The following PRELID2 variants were observed in gnomAD, a reference collection of about 807,000 sequenced individuals.
PRELID2 encodes the protein PRELI domain containing 2.
A neutral mutation model predicts 28.4 loss-of-function variants in PRELID2; 25 were observed. That is an observed-to-expected ratio of 0.88 (90% confidence interval 0.64 to 1.23). PRELID2 has a LOEUF of 1.23. Ranked by LOEUF, PRELID2 falls within the 50% of genes most tolerant of loss-of-function variation. The pLI is 0.00. For missense variants in PRELID2, 201 were observed against 214.4 expected (o/e 0.94, Z 0.39); for synonymous variants, 76 against 71.6 (o/e 1.06, Z -0.31).
chr5:145,591,069 G>C lies in PRELID2; in HGVS notation n.71-117754C>G, dbSNP rs180671640. Reference sequence around the variant, plus strand: ...CCAGCACTTCAGGAGGCTGAGGTAGGAGGATTGCTTGAGCCCAGGAGTTCA... The same window carrying C: ...CCAGCACTTCAGGAGGCTGAGGTAGCAGGATTGCTTGAGCCCAGGAGTTCA... On this transcript the variant is annotated intron_variant and non_coding_transcript_variant, in intron 1 of 2. Coordinates refer to the PRELID2 transcript ENST00000510259. 4.0e-3 allele frequency among the ~76,000 whole-genome samples: 613 copies of C among 152,260 alleles called. 4 individuals carry two copies. Among genetic ancestry groups the C allele is most frequent in the Admixed American group, 8.2e-3 (126 of 15,284 alleles).
Position 145,659,929 on chromosome 5 carries a change from A to G in PRELID2, n.70+105002T>C, listed in dbSNP as rs537588403. On this transcript the variant is annotated intron_variant and non_coding_transcript_variant, in intron 1 of 2. Transcript: ENST00000510259. ...GAAAAGGGTAGCAGGAGAGTACTTAATGCCTAGAAAAAGACCTACAATGCA... is the reference window on the plus strand; with the variant it reads ...GAAAAGGGTAGCAGGAGAGTACTTAGTGCCTAGAAAAAGACCTACAATGCA... 1.6e-4 allele frequency among the ~76,000 whole-genome samples: 25 copies of G among 152,304 alleles called. 1 individual carries two copies. The South Asian group carries it at 5.2e-3, about 32-fold the overall frequency.
chr5:145,790,721 G>GTGTGTGTGTGTATATATATATA (rs772901344), intron 5 of PRELID2, among the ~76,000 whole-genome samples: 20 of 110,906 alleles, frequency 1.8e-4, no homozygotes, highest in East Asian at 1.7e-3. Context: ...GTGTGTGTGT[G>GTGTGTGTGTGTATATATATATA]TATATATATA....
intron 4 of PRELID2, among the ~76,000 whole-genome samples, chr5:145,798,722 A>G (rs1752928746): frequency 6.6e-6 from 1 of 152,202 alleles, no homozygotes; most frequent in Non-Finnish European, 1.5e-5. Context: ...TGTCCTTTGC[A>G]GGGACATGGA....
At chr5:145,786,033 T>C (rs1751972030) in intron 5 of PRELID2, among the ~76,000 whole-genome samples, 1 of 152,240 alleles carries the variant, frequency 6.6e-6, no homozygotes, top group Non-Finnish European at 1.5e-5. Context: ...GTCAACTATT[T>C]TGTGCCTACT....
At chr5:145,297,842 C>T in the PRELID2 span, among the ~76,000 whole-genome samples, 1 of 151,722 alleles carries the variant, frequency 6.6e-6, no homozygotes, top group Non-Finnish European at 1.5e-5. Context: ...AACAGAGAGC[C>T]AAATCATGAG....
chr5:145,518,717 A>T (rs1489899995), intron 1 of PRELID2, among the ~76,000 whole-genome samples: 2 of 152,038 alleles, frequency 1.3e-5, no homozygotes, highest in Non-Finnish European at 2.9e-5. Context: ...AGCAGGTGCA[A>T]TTTTTTCCAC....
the PRELID2 span, among the ~76,000 whole-genome samples, chr5:145,385,633 G>T: frequency 1.7e-4 from 26 of 152,264 alleles, no homozygotes; most frequent in African/African-American, 6.0e-4. Context: ...ATGTAGGACT[G>T]TTTCCTCTTT....
chr5:145,508,476 T>C (rs915858028), intron 1 of PRELID2, among the ~76,000 whole-genome samples: 1 of 152,056 alleles, frequency 6.6e-6, no homozygotes, highest in Non-Finnish European at 1.5e-5. Flanking sequence ...AAACACCAAG[T>C]AGAAAGAAAA....
intron 5 of PRELID2, among the ~76,000 whole-genome samples, chr5:145,773,415 T>C (rs906837338): frequency 6.6e-6 from 1 of 152,262 alleles, no homozygotes; most frequent in African/African-American, 2.4e-5. Context: ...TATTTTCATT[T>C]TGAATTTTAA....
chr5:145,764,186 A>T (rs557284356), intron 6 of PRELID2, among the ~76,000 whole-genome samples: 2 of 152,360 alleles, frequency 1.3e-5, no homozygotes, highest in East Asian at 3.9e-4. Flanking sequence ...TCTTTCTTAA[A>T]TAACTCTGCC....
chr5:145,239,140 A>G, the PRELID2 span, among the ~76,000 whole-genome samples: 1,327 of 152,188 alleles, frequency 8.7e-3, 17 homozygotes, highest in African/African-American at 0.027. Flanking sequence ...TTGTGCTATA[A>G]TCTTCTAATC....
intron 1 of PRELID2, among the ~76,000 whole-genome samples, chr5:145,502,290 C>A (rs1580960588): frequency 6.6e-6 from 1 of 152,050 alleles, no homozygotes. Flanking sequence ...CTCATGATAA[C>A]TCACTCCCTA....
chr5:145,325,423 G>C, the PRELID2 span, among the ~76,000 whole-genome samples: 1 of 152,144 alleles, frequency 6.6e-6, no homozygotes, highest in East Asian at 1.9e-4. Context: ...AATTAGGGAG[G>C]TAGAGAGAAA....
intron 6 of PRELID2, among the ~76,000 whole-genome samples, chr5:145,761,711 G>T (rs1263200392): frequency 6.6e-6 from 1 of 152,178 alleles, no homozygotes; most frequent in African/African-American, 2.4e-5. Context: ...AAGCATAGTT[G>T]TGTTCCAATA....
chr5:145,753,195 T>C (rs10515559), downstream of PRELID2, among the ~76,000 whole-genome samples: 5,471 of 152,244 alleles, frequency 0.036, 246 homozygotes, highest in East Asian at 0.093. Flanking sequence ...AGAATAGCTC[T>C]GTGGAGTTTA....
chr5:145,716,593 T>C (rs531165226), intron 1 of PRELID2, among the ~76,000 whole-genome samples: 30 of 152,186 alleles, frequency 2.0e-4, no homozygotes, highest in Non-Finnish European at 8.8e-5. Flanking sequence ...GCAGCTTTCA[T>C]GTATTCATCT....
intron 1 of PRELID2, among the ~76,000 whole-genome samples, chr5:145,529,040 G>T (rs540705878): frequency 3.3e-5 from 5 of 152,240 alleles, no homozygotes; most frequent in Middle Eastern, 3.4e-3. Flanking sequence ...TAGCAGTAAG[G>T]TCCCACAGTT....
At chr5:145,751,936 C>T (rs992827474), downstream of PRELID2, among the ~76,000 whole-genome samples, 18 of 152,222 alleles carry the variant, frequency 1.2e-4, no homozygotes, top group African/African-American at 3.9e-4. Context: ...GAGCTGAGAT[C>T]GTGCCATTGC....
intron 3 of PRELID2, 70 bp downstream of exon 3, chr5:145,819,875 C>A: frequency 1.0e-6 from 1 of 974,358 alleles, no homozygotes; most frequent in Admixed American, 1.9e-5. Context: ...TCAGAAAATG[C>A]TGTTCCTTTT....
Sources: allele counts gnomAD v4.1 joint callset (sites outside exome capture counted in the v4.1 genomes callset), GRCh38; gene constraint gnomAD v4.1.1; transcripts MANE v1.5; gene names NCBI Gene and HGNC (gene_info 2026-07-23, HGNC 2026-07-21).